BCAR3: variants seen among roughly 807,000 people sequenced by gnomAD.
The protein encoded by BCAR3 is BCAR3 adaptor protein, NSP family member, also known as breast cancer anti-estrogen resistance protein 3.
A neutral mutation model predicts 80.1 loss-of-function variants in BCAR3; 37 were observed. The observed-to-expected ratio is 0.46, with a 90% confidence interval of 0.36 to 0.61. The LOEUF is 0.61. Among genes scored for constraint, BCAR3 ranks in the 20% least tolerant of loss-of-function variants. The pLI is 0.00. For missense variants in BCAR3, 978 were observed against 1,068.2 expected, an observed-to-expected ratio of 0.92 and a Z score of 1.18; for synonymous variants, 389 against 418.9, an observed-to-expected ratio of 0.93 and a Z score of 0.87.
At chr1:93,808,250 T>G (rs546181790) in intron 2 of BCAR3, among the ~76,000 whole-genome samples, 1 of 152,002 alleles carries the variant, frequency 6.6e-6, no homozygotes, top group East Asian at 1.9e-4. Flanking sequence ...CCAGAACAAA[T>G]GAATCAAAAA....
At chr1:93,737,428 A>T (rs761627806) in intron 2 of BCAR3, among the ~76,000 whole-genome samples, 4 of 152,220 alleles carry the variant, frequency 2.6e-5, no homozygotes, top group Non-Finnish European at 4.4e-5. Flanking sequence ...AGAGAGACAC[A>T]CAGGGAAGAA....
intron 7 of BCAR3, among the ~76,000 whole-genome samples, chr1:93,580,705 A>G (rs1325192402): frequency 6.6e-6 from 1 of 152,228 alleles, no homozygotes; most frequent in Non-Finnish European, 1.5e-5. Context: ...TCCATTTTAT[A>G]TAAGGAATGC....
intron 3 of BCAR3, among the ~76,000 whole-genome samples, chr1:93,633,461 T>C (rs1323568751): frequency 6.6e-6 from 1 of 152,124 alleles, no homozygotes; most frequent in Non-Finnish European, 1.5e-5. Flanking sequence ...TACAAACACA[T>C]GGTATATACT....
At chr1:93,658,097 C>T (rs565689198) in intron 2 of BCAR3, among the ~76,000 whole-genome samples, 10 of 152,122 alleles carry the variant, frequency 6.6e-5, no homozygotes, top group Non-Finnish European at 1.3e-4. Context: ...CCCACCACCA[C>T]GCCCAGCTAA....
chr1:93,732,050 C>T (rs1428069998), intron 2 of BCAR3, among the ~76,000 whole-genome samples: 1 of 152,148 alleles, frequency 6.6e-6, no homozygotes, highest in East Asian at 1.9e-4. Flanking sequence ...GTCTGCACAT[C>T]CAGGAGAGAC....
chr1:93,621,072 G>A (rs111627954), intron 3 of BCAR3, among the ~76,000 whole-genome samples: 1 of 152,234 alleles, frequency 6.6e-6, no homozygotes, highest in Non-Finnish European at 1.5e-5. Context: ...CGGAGGGCGG[G>A]GTCAGTACCA....
At chr1:93,646,596 C>T (rs943230162) in intron 2 of BCAR3, 2 of 147,580 alleles carry the variant, frequency 1.4e-5, no homozygotes, top group Non-Finnish European at 3.0e-5. Context: ...GAGCAAAACT[C>T]CGTCTCAAAA....
At chr1:93,681,250 G>C (rs912298956) in intron 1 of BCAR3, 1 of 152,192 alleles carries the variant, frequency 6.6e-6, no homozygotes, top group Non-Finnish European at 1.5e-5. Context: ...GACGGGCAGG[G>C]GGTCGGGCGA....
At chr1:93,615,163 T>A (rs1339861562) in intron 3 of BCAR3, among the ~76,000 whole-genome samples, 1 of 152,034 alleles carries the variant, frequency 6.6e-6, no homozygotes, top group East Asian at 1.9e-4. Flanking sequence ...AAACTTGTAA[T>A]GAGGAAGAAA....
intron 3 of BCAR3, among the ~76,000 whole-genome samples, chr1:93,639,824 G>T (rs1353555328): frequency 6.6e-6 from 1 of 152,088 alleles, no homozygotes; most frequent in Non-Finnish European, 1.5e-5. Context: ...CCTGGGGCTG[G>T]AGCTCCTGCC....
chr1:93,846,873 A>T, intron 1 of BCAR3: 1 of 483,936 alleles, frequency 2.1e-6, no homozygotes, highest in Non-Finnish European at 4.2e-6. Flanking sequence ...CGGATACCTC[A>T]GAAATTCGGC....
intron 2 of BCAR3, among the ~76,000 whole-genome samples, chr1:93,651,513 AT>A (rs1676325467): frequency 6.6e-6 from 1 of 152,164 alleles, no homozygotes; most frequent in South Asian, 2.1e-4. Flanking sequence ...AAATTAGAAG[AT>A]TTAATTTTTA....
At chr1:93,690,914 G>A (rs1409259824) in intron 3 of BCAR3, among the ~76,000 whole-genome samples, 4 of 152,040 alleles carry the variant, frequency 2.6e-5, no homozygotes, top group Non-Finnish European at 5.9e-5. Context: ...TGGAAAGGGG[G>A]AACTTGGGAA....
intron 2 of BCAR3, among the ~76,000 whole-genome samples, chr1:93,812,679 C>G (rs76449427): frequency 0.026 from 4,027 of 152,336 alleles, 77 homozygotes; most frequent in Non-Finnish European, 0.036. Flanking sequence ...AGGGTCAACC[C>G]TGGACCTCTT....
At chr1:93,613,961 C>G (rs1320001380) in intron 3 of BCAR3, 1 of 1,549,906 alleles carries the variant, frequency 6.5e-7, no homozygotes, top group Non-Finnish European at 8.7e-7. Context: ...GGACCACACA[C>G]TTTCTTTAGG....
upstream of BCAR3, among the ~76,000 whole-genome samples, chr1:93,684,822 T>C (rs1466181355): frequency 2.0e-5 from 3 of 152,138 alleles, no homozygotes; most frequent in African/African-American, 7.2e-5. Flanking sequence ...CTCCGCCTCC[T>C]GGGTTCAAGC....
At chr1:93,596,904 C>T (rs1674438746) in intron 3 of BCAR3, among the ~76,000 whole-genome samples, 1 of 152,198 alleles carries the variant, frequency 6.6e-6, no homozygotes, top group Admixed American at 6.5e-5. Flanking sequence ...GCTGTGGGCT[C>T]AGCCTCCAGA....
chr1:93,595,374 C>A (rs946798680), intron 3 of BCAR3, among the ~76,000 whole-genome samples: 1 of 152,170 alleles, frequency 6.6e-6, no homozygotes, highest in Non-Finnish European at 1.5e-5. Flanking sequence ...AGTGAACAAG[C>A]AATTGCAAAA....
intron 9 of BCAR3, 98 bp downstream of exon 9, chr1:93,571,572 T>G: frequency 6.8e-7 from 1 of 1,461,874 alleles, no homozygotes; most frequent in Non-Finnish European, 9.5e-7. Flanking sequence ...AAGATTCAAT[T>G]TACTTTTGAG....
Sources: gnomAD v4.1 joint callset for allele counts (sites outside exome capture counted in the v4.1 genomes callset) on GRCh38, gnomAD v4.1.1 for gene constraint, MANE v1.5 for transcripts, NCBI Gene and HGNC (gene_info 2026-07-23, HGNC 2026-07-21) for gene names.